The following SNX29 variants were observed in gnomAD, a reference collection of about 807,000 sequenced individuals.
SNX29 encodes sorting nexin-29.
Under a neutral mutation model 102.1 loss-of-function variants are expected in SNX29, and 78 were observed. The observed-to-expected ratio is 0.76, with a 90% CI of 0.64 to 0.92. SNX29 has a LOEUF of 0.92. Ranked by LOEUF, SNX29 falls within the 40% of genes least tolerant of loss-of-function variation. SNX29 has a pLI of 0.00. For synonymous variants in SNX29, 580 were observed against 414.5 expected, an observed-to-expected ratio of 1.40 and a Z score of -4.85; for missense variants, 1,280 against 1,061.7, an observed-to-expected ratio of 1.21 and a Z score of -2.86.
intron 9 of SNX29, among the ~76,000 whole-genome samples, chr16:12,066,692 C>T (rs1400132844): frequency 1.7e-5 from 2 of 115,760 alleles, no homozygotes; most frequent in East Asian, 5.7e-4. Context: ...GGAGGAGGGC[C>T]GGAGATTAGT....
intron 18 of SNX29, among the ~76,000 whole-genome samples, chr16:12,447,022 C>G (rs1457200521): frequency 1.3e-5 from 2 of 151,668 alleles, no homozygotes; most frequent in Non-Finnish European, 2.9e-5. Flanking sequence ...AAAAAATTAG[C>G]AGGGTGTGGT....
chr16:12,288,475 C>G (rs1322053703), intron 15 of SNX29, among the ~76,000 whole-genome samples: 1 of 152,134 alleles, frequency 6.6e-6, no homozygotes, highest in Non-Finnish European at 1.5e-5. Context: ...AGCAGCAGTC[C>G]CGGAGCTGTA....
intron 18 of SNX29, among the ~76,000 whole-genome samples, chr16:12,403,880 C>T (rs1172825703): frequency 7.2e-5 from 11 of 152,158 alleles, no homozygotes; most frequent in Admixed American, 7.2e-4. Context: ...CCATCAGGAA[C>T]CTGCTGCCAT....
intron 20 of SNX29, among the ~76,000 whole-genome samples, chr16:12,538,908 T>G (rs942111440): frequency 5.4e-5 from 8 of 149,002 alleles, no homozygotes; most frequent in African/African-American, 1.8e-4. Context: ...TGACCTGTTC[T>G]AAGTGGGAGA....
chr16:12,519,716 T>C (rs1341725588), intron 19 of SNX29, among the ~76,000 whole-genome samples: 1 of 152,216 alleles, frequency 6.6e-6, no homozygotes, highest in Non-Finnish European at 1.5e-5. Flanking sequence ...CAGCAATCCG[T>C]GATGTCTCAC....
At chr16:12,531,593 G>T (rs1055260407) in intron 20 of SNX29, among the ~76,000 whole-genome samples, 27 of 152,314 alleles carry the variant, frequency 1.8e-4, no homozygotes, top group African/African-American at 6.0e-4. Context: ...GGATGAGGAC[G>T]GTGAGAGTTG....
chr16:12,149,110 G>T (rs1288161147), intron 13 of SNX29, among the ~76,000 whole-genome samples: 1 of 152,186 alleles, frequency 6.6e-6, no homozygotes, highest in Non-Finnish European at 1.5e-5. Context: ...ATGAGCATTT[G>T]TCAGTTACTT....
chr16:11,991,307 G>A (rs1264155016), intron 1 of SNX29, among the ~76,000 whole-genome samples: 2 of 152,114 alleles, frequency 1.3e-5, no homozygotes, highest in Non-Finnish European at 2.9e-5. Flanking sequence ...TCAGTGCAGG[G>A]TAAAGGAAAT....
At chr16:12,544,161 A>G (rs2141277841) in intron 20 of SNX29, among the ~76,000 whole-genome samples, 1 of 152,300 alleles carries the variant, frequency 6.6e-6, no homozygotes, top group Admixed American at 6.5e-5. Flanking sequence ...TCCTAAGAAC[A>G]CGGGATGGGA....
At chr16:12,074,169 A>G (rs1280328921) in intron 10 of SNX29, among the ~76,000 whole-genome samples, 2 of 150,800 alleles carry the variant, frequency 1.3e-5, no homozygotes, top group Non-Finnish European at 3.0e-5. Flanking sequence ...GTCCATTTAC[A>G]TTTAAAGTTA....
intron 19 of SNX29, among the ~76,000 whole-genome samples, chr16:12,482,944 T>C (rs903833337): frequency 6.6e-6 from 1 of 152,142 alleles, no homozygotes; most frequent in African/African-American, 2.4e-5. Context: ...TGTGTAATTA[T>C]ATATTCACAG....
At chr16:12,207,467 C>A (rs1376524738) in intron 14 of SNX29, among the ~76,000 whole-genome samples, 2 of 152,226 alleles carry the variant, frequency 1.3e-5, no homozygotes, top group African/African-American at 4.8e-5. Flanking sequence ...GTGCCCCAAT[C>A]CCTGCTCCCG....
intron 11 of SNX29, among the ~76,000 whole-genome samples, chr16:12,126,169 C>T (rs1417239418): frequency 4.6e-5 from 7 of 152,238 alleles, no homozygotes; most frequent in African/African-American, 1.7e-4. Context: ...GTGAACCATA[C>T]GGCTACCTTA....
At chr16:12,321,511 C>T (rs537503746) in intron 15 of SNX29, among the ~76,000 whole-genome samples, 15 of 152,258 alleles carry the variant, frequency 9.9e-5, no homozygotes, top group South Asian at 6.2e-4. Flanking sequence ...TTCTTTCTTC[C>T]GTGGAACATT....
rs191653950 is a variant in SNX29 at position 12,573,853 on chromosome 16, G to T, written c.*5224G>T. The T allele has an allele frequency of 9.4e-6, 2 of 211,964 alleles. No homozygotes were observed. The highest frequency in any genetic ancestry group is 7.0e-5 in the East Asian group (1 of 14,256). 13.1% of individuals were successfully genotyped at this position (211,964 alleles called of 1,614,324 possible). A position where few individuals can be genotyped will look rare whatever the true frequency, so the allele number is the denominator to read the frequency against. Reference sequence around the variant, plus strand: ...TATTATCCAGGACTCATCCTAAGAAGAATGTTGGCCTCTCTTCATCCCTGG... The same window carrying T: ...TATTATCCAGGACTCATCCTAAGAATAATGTTGGCCTCTCTTCATCCCTGG... On this transcript the variant is annotated 3_prime_UTR_variant, in exon 21 of 21. Coordinates refer to ENST00000566228, the MANE Select transcript of SNX29 (RefSeq NM_032167.5).
At position 12,572,336 on chromosome 16, in the gene SNX29, C is replaced by A; in HGVS notation, c.*3707C>A. 1 of 1,063,260 alleles carries A rather than the reference C, an allele frequency of 9.4e-7. No individual in the cohort carries two copies. The highest frequency in any genetic ancestry group is 1.1e-6 in the Non-Finnish European group (1 of 877,922). 65.9% of individuals were successfully genotyped at this position (1,063,260 alleles called of 1,614,324 possible). ...TGGAAACAGGAGTGAAGCCCACCAG[C>A]CTGCCTGGTTGATGGACAGCAGGCT... On this transcript the variant is annotated 3_prime_UTR_variant, in exon 21 of 21. Transcript: ENST00000566228.
At chr16:12,239,915 C>T (rs1316486185) in intron 14 of SNX29, among the ~76,000 whole-genome samples, 2 of 152,122 alleles carry the variant, frequency 1.3e-5, no homozygotes, top group Non-Finnish European at 2.9e-5. Context: ...GTAATCTCAT[C>T]ACCCAAAAAT....
intron 13 of SNX29, among the ~76,000 whole-genome samples, chr16:12,186,156 C>A (rs2076504484): frequency 6.6e-6 from 1 of 152,150 alleles, no homozygotes; most frequent in Non-Finnish European, 1.5e-5. Flanking sequence ...ACCCTTACCA[C>A]GTGGGCCATT....
At chr16:12,260,657 G>C (rs2078707066) in intron 14 of SNX29, among the ~76,000 whole-genome samples, 1 of 63,424 alleles carries the variant, frequency 1.6e-5, no homozygotes, top group Non-Finnish European at 3.9e-5. Context: ...CAGGTCCCCG[G>C]CTGGAGTGGA....
Sources: gnomAD v4.1 joint callset for allele counts (sites outside exome capture counted in the v4.1 genomes callset) on GRCh38, gnomAD v4.1.1 for gene constraint, MANE v1.5 for transcripts, NCBI Gene and HGNC (gene_info 2026-07-23, HGNC 2026-07-21) for gene names.